The following THSD7B variants were observed in gnomAD, a reference collection of about 807,000 sequenced individuals.
THSD7B encodes thrombospondin type 1 domain containing 7B.
A neutral mutation model predicts 213.6 loss-of-function variants in THSD7B; 138 were observed. The observed-to-expected ratio is 0.65, with a 90% CI of 0.56 to 0.74. The LOEUF is 0.74. Ranked by LOEUF, THSD7B falls within the 30% of genes least tolerant of loss-of-function variation. The pLI, the probability that THSD7B is intolerant of heterozygous loss-of-function variation, is 0.00. For synonymous variants in THSD7B, 742 were observed against 687.0 expected, an observed-to-expected ratio of 1.08 and a Z score of -1.25; for missense variants, 1,931 against 1,991.5, an observed-to-expected ratio of 0.97 and a Z score of 0.58.
intron 15 of THSD7B, among the ~76,000 whole-genome samples, chr2:137,487,438 C>A: frequency 7.2e-6 from 1 of 139,662 alleles, no homozygotes; most frequent in African/African-American, 2.7e-5. Context: ...CAAAAGCTAG[C>A]AGAAGGCAAG....
chr2:136,954,482 C>T (rs575878661), intron 2 of THSD7B, among the ~76,000 whole-genome samples: 30 of 151,920 alleles, frequency 2.0e-4, no homozygotes, highest in Non-Finnish European at 4.3e-4. Flanking sequence ...TTTGGGAGGC[C>T]GAGGCGGGCG....
chr2:137,058,574 G>T (rs1687210781), intron 3 of THSD7B, among the ~76,000 whole-genome samples: 1 of 151,962 alleles, frequency 6.6e-6, no homozygotes, highest in Admixed American at 6.6e-5. Flanking sequence ...TTAACATCTT[G>T]CATTCATGTG....
At chr2:137,588,152 C>T (rs765326880) in intron 17 of THSD7B, among the ~76,000 whole-genome samples, 1 of 152,188 alleles carries the variant, frequency 6.6e-6, no homozygotes, top group Admixed American at 6.5e-5. Context: ...GATATAATCT[C>T]CTGGTCTGCC....
intron 2 of THSD7B, among the ~76,000 whole-genome samples, chr2:136,949,299 G>C (rs1173143807): frequency 1.3e-5 from 2 of 152,164 alleles, no homozygotes; most frequent in Non-Finnish European, 2.9e-5. Context: ...AAGAGCAACT[G>C]TGTGATTCTC....
intron 12 of THSD7B, among the ~76,000 whole-genome samples, chr2:137,300,899 C>T (rs1414827787): frequency 6.6e-6 from 1 of 152,024 alleles, no homozygotes; most frequent in Non-Finnish European, 1.5e-5. Context: ...AGGACAGAGA[C>T]ATCGGGGTCA....
intron 4 of THSD7B, among the ~76,000 whole-genome samples, chr2:137,101,806 C>T (rs1558921139): frequency 2.0e-5 from 3 of 152,194 alleles, no homozygotes; most frequent in Non-Finnish European, 4.4e-5. Context: ...CACCACCGCG[C>T]CACAAAGCTG....
chr2:137,290,307 T>TCTCGATCTCCTGAC (rs1321029098), intron 12 of THSD7B, among the ~76,000 whole-genome samples: 1 of 152,048 alleles, frequency 6.6e-6, no homozygotes, highest in African/African-American at 2.4e-5. Flanking sequence ...GCCAGGATGG[T>TCTCGATCTCCTGAC]CTCGATCTCC....
chr2:137,580,725 T>C (rs1349553541), intron 17 of THSD7B, among the ~76,000 whole-genome samples: 1 of 152,198 alleles, frequency 6.6e-6, no homozygotes, highest in Non-Finnish European at 1.5e-5. Context: ...ACAGGAAGCA[T>C]GGTTTCTGGG....
chr2:137,382,484 T>C (rs1418329020), intron 12 of THSD7B, among the ~76,000 whole-genome samples: 1 of 152,080 alleles, frequency 6.6e-6, no homozygotes, highest in East Asian at 1.9e-4. Flanking sequence ...CGCCAGTAGG[T>C]TTTTGGTCCC....
intron 12 of THSD7B, among the ~76,000 whole-genome samples, chr2:137,389,357 A>G (rs1217447961): frequency 8.1e-6 from 1 of 123,278 alleles, no homozygotes; most frequent in Non-Finnish European, 1.7e-5. Flanking sequence ...GTTTGTCTTT[A>G]TTTGAGAAGT....
intron 2 of THSD7B, among the ~76,000 whole-genome samples, chr2:136,925,089 C>G (rs192807484): frequency 6.6e-6 from 1 of 152,080 alleles, no homozygotes; most frequent in Non-Finnish European, 1.5e-5. Flanking sequence ...AATCTTTAGG[C>G]TTTTCCACAC....
At chr2:136,830,188 T>G (rs942835065) in intron 1 of THSD7B, among the ~76,000 whole-genome samples, 5 of 152,148 alleles carry the variant, frequency 3.3e-5, no homozygotes, top group Non-Finnish European at 7.4e-5. Flanking sequence ...AGTGAAATAC[T>G]GTGACATATG....
intron 15 of THSD7B, among the ~76,000 whole-genome samples, chr2:137,474,803 G>A (rs982075912): frequency 3.3e-5 from 5 of 152,086 alleles, no homozygotes; most frequent in Admixed American, 2.0e-4. Flanking sequence ...GATGAAAATA[G>A]TTTCTATCTT....
intron 2 of THSD7B, among the ~76,000 whole-genome samples, chr2:137,036,711 A>T (rs537846123): frequency 1.5e-4 from 23 of 152,190 alleles, no homozygotes; most frequent in Non-Finnish European, 2.8e-4. Context: ...TATTGCTGAA[A>T]GGGTATCTGT....
At chr2:136,912,321 CAAAAA>C (rs1159184476) in intron 2 of THSD7B, among the ~76,000 whole-genome samples, 3 of 55,838 alleles carry the variant, frequency 5.4e-5, no homozygotes, top group Admixed American at 2.6e-4. Context: ...GACTCCATCT[CAAAAA>C]AAAAAAAAAA....
chr2:136,859,816 G>A (rs1022791841), intron 1 of THSD7B, among the ~76,000 whole-genome samples: 4 of 152,198 alleles, frequency 2.6e-5, no homozygotes, highest in Non-Finnish European at 5.9e-5. Context: ...AGTGTCAGGA[G>A]TGAAGGGAAG....
intron 10 of THSD7B, among the ~76,000 whole-genome samples, chr2:137,246,832 T>G (rs1344604297): frequency 6.6e-6 from 1 of 152,118 alleles, no homozygotes; most frequent in African/African-American, 2.4e-5. Flanking sequence ...GCCTAAAGTA[T>G]CCAATGTGGT....
chr2:136,971,967 G>A (rs1442319493), intron 2 of THSD7B, among the ~76,000 whole-genome samples: 1 of 152,048 alleles, frequency 6.6e-6, no homozygotes, highest in Non-Finnish European at 1.5e-5. Flanking sequence ...TCCAGTGATT[G>A]CATTCAATTA....
chr2:136,860,016 A>ATTTTTTTTTT (rs3084113), intron 1 of THSD7B, among the ~76,000 whole-genome samples: 2 of 120,476 alleles, frequency 1.7e-5, no homozygotes, highest in Non-Finnish European at 3.3e-5. Flanking sequence ...ACAATTCATG[A>ATTTTTTTTTT]TTTTTTTTTT....
Sources: gnomAD v4.1 joint callset for allele counts (sites outside exome capture counted in the v4.1 genomes callset) on GRCh38, gnomAD v4.1.1 for gene constraint, MANE v1.5 for transcripts, NCBI Gene and HGNC (gene_info 2026-07-23, HGNC 2026-07-21) for gene names.